Variants in CFAP206 observed in about 807,000 individuals in gnomAD.
CFAP206 encodes the protein cilia and flagella associated protein 206.
A neutral mutation model predicts 65.4 loss-of-function variants in CFAP206; 53 were observed. The ratio of observed to expected loss-of-function variants is 0.81; its 90% CI spans 0.65 to 1.02. CFAP206 has a LOEUF of 1.02. Ranked by LOEUF, CFAP206 falls within the 50% of genes least tolerant of loss-of-function variation. The pLI is 0.00. For missense variants in CFAP206, 663 were observed against 753.2 expected (o/e 0.88, Z 1.40); for synonymous variants, 250 against 254.4 (o/e 0.98, Z 0.17).
chr6:87,414,983 G>A (rs1170808926), intron 4 of CFAP206, among the ~76,000 whole-genome samples: 1 of 152,078 alleles, frequency 6.6e-6, no homozygotes, highest in Non-Finnish European at 1.5e-5. Context: ...ACTGTGCGTG[G>A]TGGATATGTT....
intron 7 of CFAP206, among the ~76,000 whole-genome samples, chr6:87,423,739 T>TA (rs1296623409): frequency 5.3e-5 from 8 of 152,200 alleles, no homozygotes; most frequent in Non-Finnish European, 1.2e-4. Flanking sequence ...GAAAAAACTC[T>TA]ATGAGGGTAG....
At chr6:87,418,941 A>G (rs140507310) in intron 7 of CFAP206, among the ~76,000 whole-genome samples, 8 of 152,160 alleles carry the variant, frequency 5.3e-5, no homozygotes, top group Middle Eastern at 3.4e-3. Context: ...GCAAAACCCC[A>G]TCTCTACAAA....
intron 10 of CFAP206, among the ~76,000 whole-genome samples, chr6:87,432,478 A>G (rs1261914568): frequency 1.3e-5 from 2 of 151,656 alleles, no homozygotes; most frequent in Non-Finnish European, 2.9e-5. Flanking sequence ...CCCCCTCTCC[A>G]TTCCTTCCTT....
rs1768047846 is a variant in CFAP206, at chr6:87,426,601, A to T, written c.916A>T (p.Met306Leu). The T allele has an allele frequency of 6.3e-7, 1 of 1,598,906 alleles. No individual in the cohort carries two copies. The highest frequency in any genetic ancestry group is 8.5e-7 in the Non-Finnish European group (1 of 1,172,190). ...AGGAGCCCATCTGGAACAACTAAAA[A>T]TGACCATAAAATCAAAGATAGCGGT... ...QLGAHLEQLK[M>L]TIKSKIAVPT... The change falls in exon 8 of 13, where the codon ATG becomes TTG. Residue 306 changes from methionine to leucine, a missense_variant. By Grantham distance (15) the Met-to-Leu change is conservative (BLOSUM62 2). Coordinates refer to ENST00000369562, the MANE Select transcript of CFAP206 (RefSeq NM_001031743.3).
Position 87,428,655 on chromosome 6 carries a change from G to C in CFAP206, c.990G>C (p.Trp330Cys). ...FPIFIALSTL[W>C]TSLQDETIVV... ...TCTTCATTGCACTTTCTACTCTGTGGACCAGCTTGCAAGACGAAACTATTG... is the reference window on the plus strand; with the variant it reads ...TCTTCATTGCACTTTCTACTCTGTGCACCAGCTTGCAAGACGAAACTATTG... The change falls in exon 9 of 13, where the codon TGG becomes TGC. Residue 330 changes from tryptophan to cysteine, a missense_variant. Physicochemically the swap from Trp to Cys is radical, Grantham distance 215 (BLOSUM62 -2). Coordinates refer to ENST00000369562, the MANE Select transcript of CFAP206 (RefSeq NM_001031743.3). The C allele has an allele frequency of 6.2e-7, 1 of 1,613,802 alleles. No homozygotes were observed. The highest frequency in any genetic ancestry group is 8.5e-7 in the Non-Finnish European group (1 of 1,180,000).
In CFAP206 at chr6:87,454,179, A is replaced by G. The variant is rs181347401; in HGVS notation, c.1495-6843A>G. ...ATATGATAAAAGTATCAATTCAGCA[A>G]GAGGATTTAATAGTTATTAATATAT... On this transcript the variant is annotated intron_variant, in intron 11 of 12. Coordinates refer to ENST00000369562, the MANE Select transcript of CFAP206 (RefSeq NM_001031743.3). 2.6e-4 allele frequency among the ~76,000 whole-genome samples: 40 copies of G among 152,354 alleles called. No homozygotes were observed. The East Asian group carries it at 7.3e-3, about 28-fold the overall frequency.
chr6:87,431,787 C>G (rs148014455), intron 10 of CFAP206, among the ~76,000 whole-genome samples: 1 of 152,076 alleles, frequency 6.6e-6, no homozygotes, highest in South Asian at 2.1e-4. Context: ...AGAAATGTTA[C>G]ACAACATTAC....
intron 7 of CFAP206, among the ~76,000 whole-genome samples, chr6:87,419,129 T>TG (rs1357619443): frequency 6.6e-6 from 1 of 151,682 alleles, no homozygotes; most frequent in Non-Finnish European, 1.5e-5. Context: ...TTGTTTTTTT[T>TG]TTTGTTTTTT....
In CFAP206 at chr6:87,431,192, G is replaced by A. The variant is rs766084646; in HGVS notation, c.1300+19G>A. 3.7e-6 allele frequency: 6 copies of A among 1,605,692 alleles called. No individual in the cohort carries two copies. The highest frequency in any genetic ancestry group is 4.3e-6 in the Non-Finnish European group (5 of 1,175,324). ...CTTCCAGGTATATCATTGGAAATGA[G>A]ACTGCTCTCCTTTCCCCGATTTTTT... is the stretch of plus-strand genomic sequence containing the variant. On this transcript the variant is annotated intron_variant, in intron 10 of 12. Coordinates refer to ENST00000369562, the MANE Select transcript of CFAP206 (RefSeq NM_001031743.3).
At chr6:87,421,205 G>T (rs1338936222) in intron 7 of CFAP206, among the ~76,000 whole-genome samples, 1 of 152,164 alleles carries the variant, frequency 6.6e-6, no homozygotes, top group East Asian at 1.9e-4. Context: ...TCCAATATAG[G>T]CCGAGCGTGG....
At chr6:87,413,926 C>A in intron 4 of CFAP206, 26 bp downstream of exon 4, 2 of 1,226,208 alleles carry the variant, frequency 1.6e-6, no homozygotes, top group Non-Finnish European at 1.1e-6. Flanking sequence ...TATTTTTATA[C>A]TTAAAAAATT....
chr6:87,448,958 A>G (rs1472883297), intron 11 of CFAP206, among the ~76,000 whole-genome samples: 1 of 152,098 alleles, frequency 6.6e-6, no homozygotes, highest in East Asian at 1.9e-4. Flanking sequence ...TAGTACTGTG[A>G]TAAACATAGG....
intron 4 of CFAP206, 146 bp from the exon 5 acceptor site, chr6:87,415,540 T>G: frequency 1.3e-6 from 1 of 780,554 alleles, no homozygotes. Context: ...TGCTGGCCAC[T>G]GTTTTTTATT....
At chr6:87,424,277 A>ATTATTTTTTT in intron 7 of CFAP206, among the ~76,000 whole-genome samples, 1 of 152,160 alleles carries the variant, frequency 6.6e-6, no homozygotes, top group Admixed American at 6.5e-5. Flanking sequence ...AATAAATATA[A>ATTATTTTTTT]TTATTTTTTT....
chr6:87,428,121 G>A (rs2127951285), intron 8 of CFAP206, among the ~76,000 whole-genome samples: 1 of 151,660 alleles, frequency 6.6e-6, no homozygotes, highest in Admixed American at 6.6e-5. Flanking sequence ...CCGGGTAGCT[G>A]GGATTGTAGG....
chr6:87,456,996 A>C (rs1768654715), intron 11 of CFAP206, among the ~76,000 whole-genome samples: 1 of 151,952 alleles, frequency 6.6e-6, no homozygotes. Flanking sequence ...AAAAATACAA[A>C]AAAATTAGCC....
At position 87,415,781 on chromosome 6, in the gene CFAP206, T is replaced by C. The variant is rs941084405; in HGVS notation, c.379T>C (p.Leu127=). The change falls in exon 5 of 13, where the codon TTG becomes CTG. Residue 127 remains leucine, a synonymous_variant. Transcript: ENST00000369562. ...TDNRACAKEE[L]ESLYRKIISY... is the part of the protein sequence containing the mutation. ...TAACAGAGCATGTGCTAAAGAAGAA[T>C]TGGAAAGCCTCTACCGGAAGATTAT... 1.2e-6 allele frequency: 2 copies of C among 1,613,570 alleles called. No homozygotes were observed. The highest frequency in any genetic ancestry group is 1.7e-6 in the Non-Finnish European group (2 of 1,179,790).
chr6:87,440,385 TTAG>T (rs973984104), intron 11 of CFAP206, among the ~76,000 whole-genome samples: 3 of 152,094 alleles, frequency 2.0e-5, no homozygotes, highest in African/African-American at 7.2e-5. Context: ...TTAGAGTCTG[TTAG>T]TTTTTTTTTC....
At chr6:87,444,749 A>G (rs1315407434) in intron 11 of CFAP206, 1 of 449,744 alleles carries the variant, frequency 2.2e-6, no homozygotes, top group East Asian at 5.3e-5. Flanking sequence ...TTTTGCTCAT[A>G]CTTTCTCTGA....
Sources: allele counts gnomAD v4.1 joint callset (sites outside exome capture counted in the v4.1 genomes callset), GRCh38; gene constraint gnomAD v4.1.1; transcripts MANE v1.5; gene names NCBI Gene and HGNC (gene_info 2026-07-23, HGNC 2026-07-21).